The following PCGF5 variants were observed in gnomAD, a reference collection of about 807,000 sequenced individuals.
PCGF5 encodes polycomb group RING finger protein 5.
PCGF5 carries 9 observed loss-of-function variants against 44.3 expected under a neutral mutation model. That is an observed-to-expected ratio of 0.20 (90% CI 0.12 to 0.35). PCGF5 has a LOEUF of 0.35. Among genes scored for constraint, PCGF5 ranks in the 10% least tolerant of loss-of-function variants. The pLI is 1.00. For missense variants in PCGF5, 146 were observed against 305.3 expected, an observed-to-expected ratio of 0.48 and a Z score of 3.89; for synonymous variants, 95 against 102.5, an observed-to-expected ratio of 0.93 and a Z score of 0.44.
At chr10:91,170,736 C>T (rs1227020890) in intron 1 of PCGF5, among the ~76,000 whole-genome samples, 1 of 152,192 alleles carries the variant, frequency 6.6e-6, no homozygotes, top group East Asian at 1.9e-4. Flanking sequence ...TCTTACTGCA[C>T]AATCCAGCAG....
chr10:91,250,320 C>G (rs1465934368), intron 5 of PCGF5, among the ~76,000 whole-genome samples: 2 of 152,024 alleles, frequency 1.3e-5, no homozygotes, highest in East Asian at 3.9e-4. Context: ...AGTCACTTTG[C>G]AGGGAAGCTT....
chr10:91,227,985 A>G (rs1844894508), intron 2 of PCGF5: 2 of 929,138 alleles, frequency 2.2e-6, no homozygotes, highest in South Asian at 5.0e-5. Flanking sequence ...TTTCCTTTCA[A>G]AGATTCAAAT....
the PCGF5 span, among the ~76,000 whole-genome samples, chr10:91,156,581 G>A: frequency 6.6e-6 from 1 of 152,216 alleles, no homozygotes; most frequent in Middle Eastern, 3.4e-3. Flanking sequence ...ATAAATCTTT[G>A]GCCTGTCACT....
chr10:91,167,301 T>C (rs1427817707), intron 1 of PCGF5, among the ~76,000 whole-genome samples: 1 of 152,224 alleles, frequency 6.6e-6, no homozygotes, highest in African/African-American at 2.4e-5. Context: ...ACATAGATAC[T>C]CTTTCTTTAA....
intron 1 of PCGF5, among the ~76,000 whole-genome samples, chr10:91,200,960 G>A (rs1271410952): frequency 6.6e-6 from 1 of 152,124 alleles, no homozygotes; most frequent in Non-Finnish European, 1.5e-5. Flanking sequence ...GGTCAGGTGG[G>A]AGAATGGTCA....
intron 7 of PCGF5, 105 bp from the exon 8 acceptor site, chr10:91,264,326 A>G: frequency 1.2e-6 from 1 of 843,380 alleles, no homozygotes. Flanking sequence ...AATGGATAAT[A>G]CTTTTGTTCC....
intron 6 of PCGF5, among the ~76,000 whole-genome samples, chr10:91,258,763 G>GTAACTTTTAAC (rs1389878950): frequency 1.3e-5 from 2 of 152,094 alleles, no homozygotes; most frequent in Non-Finnish European, 2.9e-5. Context: ...TGATTTAGAT[G>GTAACTTTTAAC]TAACTTTTAA....
intron 8 of PCGF5, among the ~76,000 whole-genome samples, chr10:91,267,341 A>G (rs1846072036): frequency 6.6e-6 from 1 of 152,176 alleles, no homozygotes; most frequent in South Asian, 2.1e-4. Flanking sequence ...TGTTTTCCAT[A>G]GTATTTCATA....
intron 1 of PCGF5, among the ~76,000 whole-genome samples, chr10:91,188,302 G>C (rs1025737219): frequency 6.6e-6 from 1 of 152,180 alleles, no homozygotes; most frequent in Non-Finnish European, 1.5e-5. Context: ...CCCTTTCCTG[G>C]TCAAGGAAAG....
chr10:91,174,801 C>T (rs561663248), intron 1 of PCGF5, among the ~76,000 whole-genome samples: 1 of 152,288 alleles, frequency 6.6e-6, no homozygotes, highest in Admixed American at 6.5e-5. Flanking sequence ...AGATTTAGTT[C>T]ATGGGACTTC....
rs1230522967 is a variant in PCGF5, at chr10:91,243,942, A to G, written c.209+3362A>G. 2.6e-5 allele frequency among the ~76,000 whole-genome samples: 4 copies of G among 152,216 alleles called. No individual in the cohort carries two copies. In the East Asian group the frequency reaches 7.7e-4, roughly 29 times the overall value. On this transcript the variant is annotated intron_variant, in intron 3 of 9. Transcript: ENST00000336126. ...CAATAGAAGGAAGATGGAGAGCTCC[A>G]TGAGGGGAATCATTCATTCAGCAAA...
intron 2 of PCGF5, among the ~76,000 whole-genome samples, chr10:91,233,717 CCACAGTTTACTT>C (rs1439692905): frequency 1.3e-5 from 2 of 152,072 alleles, no homozygotes; most frequent in Non-Finnish European, 2.9e-5. Context: ...TTGAACATGA[CCACAGTTTACTT>C]ATAAACTGTT....
chr10:91,211,495 T>G (rs969964082), intron 1 of PCGF5, among the ~76,000 whole-genome samples: 1 of 152,206 alleles, frequency 6.6e-6, no homozygotes, highest in Non-Finnish European at 1.5e-5. Context: ...TGTCCCTGCC[T>G]TCAGGTCATT....
chr10:91,248,425 A>G, intron 3 of PCGF5, 80 bp from the exon 4 acceptor site: 7 of 1,259,522 alleles, frequency 5.6e-6, no homozygotes, highest in Non-Finnish European at 8.1e-6. Context: ...AACATGTATA[A>G]GATTATACAT....
At chr10:91,252,516 G>C (rs1845646220) in intron 6 of PCGF5, among the ~76,000 whole-genome samples, 2 of 152,014 alleles carry the variant, frequency 1.3e-5, no homozygotes, top group Non-Finnish European at 2.9e-5. Context: ...ACTTGGTTAG[G>C]TCTTATACAT....
rs144117695 is a variant in PCGF5, at chr10:91,181,010, C to T, written c.-184+17929C>T. Among the ~76,000 whole-genome samples, 457 of 152,132 alleles carry T rather than the reference C, an allele frequency of 3.0e-3. 3 individuals are homozygous for T. Among genetic ancestry groups the T allele is most frequent in the African/African-American group, 0.011 (448 of 41,536 alleles). The stretch of plus-strand genomic sequence containing the variant: ...TGGAATGTTTTTCAATTTGTGTCAT[C>T]TCTGATTTTTTTAAGCAGTGGTTTG... On this transcript the variant is annotated intron_variant, in intron 1 of 9. Coordinates refer to the PCGF5 transcript ENST00000614189.
At chr10:91,194,320 G>A (rs1844087893) in intron 1 of PCGF5, among the ~76,000 whole-genome samples, 1 of 152,212 alleles carries the variant, frequency 6.6e-6, no homozygotes, top group Admixed American at 6.5e-5. Flanking sequence ...TAGAAGTAGA[G>A]TATCTTTCCC....
intron 2 of PCGF5, among the ~76,000 whole-genome samples, chr10:91,239,727 G>C (rs763081525): frequency 3.3e-5 from 5 of 152,180 alleles, no homozygotes; most frequent in Non-Finnish European, 7.3e-5. Context: ...TGAAAGATGA[G>C]AGAGATTTAT....
chr10:91,160,009 T>C (rs1843359304), upstream of PCGF5, among the ~76,000 whole-genome samples: 1 of 152,226 alleles, frequency 6.6e-6, no homozygotes, highest in Non-Finnish European at 1.5e-5. Context: ...ACGCTCATGG[T>C]TAATCTGTGT....
Sources: gnomAD v4.1 joint callset for allele counts (sites outside exome capture counted in the v4.1 genomes callset) on GRCh38, gnomAD v4.1.1 for gene constraint, MANE v1.5 for transcripts, NCBI Gene and HGNC (gene_info 2026-07-23, HGNC 2026-07-21) for gene names.